LGSN: variants seen among roughly 807,000 people sequenced by gnomAD.
The protein encoded by LGSN is lengsin.
In LGSN, 21 loss-of-function variants were observed where a neutral mutation model predicts 19.5. The observed-to-expected ratio is 1.07, with a 90% CI of 0.76 to 1.55. The LOEUF is 1.55. Among genes scored for constraint, LGSN ranks in the 40% most tolerant of loss-of-function variants. The probability of loss-of-function intolerance (pLI) is 0.00; values close to 1 mark genes in which losing one functional copy is unlikely to be tolerated. For missense variants in LGSN, 673 were observed against 608.5 expected (o/e 1.11, Z -1.12); for synonymous variants, 257 against 215.6 (o/e 1.19, Z -1.68).
the LGSN span, among the ~76,000 whole-genome samples, chr6:63,365,768 C>A: frequency 2.6e-5 from 4 of 152,154 alleles, no homozygotes; most frequent in African/African-American, 9.7e-5. Context: ...CCCTGGGATG[C>A]AAGGCTGGTT....
intron 1 of LGSN, among the ~76,000 whole-genome samples, chr6:63,317,771 G>C (rs368640630): frequency 1.3e-5 from 2 of 152,172 alleles, no homozygotes; most frequent in African/African-American, 4.8e-5. Flanking sequence ...ACAGGCTGCA[G>C]AGCAGGATGA....
At chr6:63,281,969 C>T (rs775729428) in intron 3 of LGSN, among the ~76,000 whole-genome samples, 1 of 152,182 alleles carries the variant, frequency 6.6e-6, no homozygotes, top group Non-Finnish European at 1.5e-5. Flanking sequence ...CTAGCTCTTT[C>T]GTTAATTGCT....
At chr6:63,451,784 T>C in the LGSN span, among the ~76,000 whole-genome samples, 376 of 152,180 alleles carry the variant, frequency 2.5e-3, 5 homozygotes, top group Admixed American at 0.022. Context: ...AAAAGTAACA[T>C]AAAAAATGCA....
the LGSN span, among the ~76,000 whole-genome samples, chr6:63,528,950 G>A: frequency 1.3e-5 from 2 of 151,766 alleles, no homozygotes; most frequent in African/African-American, 4.8e-5. Context: ...TTAGCTGGGC[G>A]TGGTGGCACA....
At chr6:63,535,982 A>C in the LGSN span, among the ~76,000 whole-genome samples, 4 of 148,318 alleles carry the variant, frequency 2.7e-5, no homozygotes, top group Non-Finnish European at 5.9e-5. Context: ...TGTGTTGGCC[A>C]GGGTGGCCTG....
chr6:63,335,255 C>A, the LGSN span, among the ~76,000 whole-genome samples: 3 of 151,786 alleles, frequency 2.0e-5, no homozygotes, highest in Non-Finnish European at 4.4e-5. Context: ...TATCTCTCAC[C>A]ACACACAAAA....
the LGSN span, among the ~76,000 whole-genome samples, chr6:63,326,695 G>T: frequency 6.6e-6 from 1 of 152,208 alleles, no homozygotes; most frequent in Non-Finnish European, 1.5e-5. Context: ...TGCTGGCCTG[G>T]GTGCTAAGCC....
chr6:63,547,051 C>T, the LGSN span, among the ~76,000 whole-genome samples: 10 of 152,074 alleles, frequency 6.6e-5, no homozygotes, highest in South Asian at 4.1e-4. Context: ...TCACTTATTT[C>T]CCATCAAAAG....
the LGSN span, among the ~76,000 whole-genome samples, chr6:63,407,564 G>A: frequency 7.9e-5 from 12 of 152,122 alleles, no homozygotes; most frequent in Non-Finnish European, 1.5e-4. Context: ...CAAACCCACA[G>A]CCAATATCAT....
At chr6:63,359,625 G>C in the LGSN span, among the ~76,000 whole-genome samples, 1 of 152,256 alleles carries the variant, frequency 6.6e-6, no homozygotes, top group South Asian at 2.1e-4. Context: ...TTGCATAGAG[G>C]TGTTTATAGT....
intron 2 of LGSN, among the ~76,000 whole-genome samples, chr6:63,288,317 T>C (rs1767627872): frequency 1.3e-5 from 2 of 151,654 alleles, no homozygotes; most frequent in South Asian, 4.1e-4. Flanking sequence ...CATCATCACA[T>C]ACTATTCATA....
chr6:63,287,609 GA>G (rs1767593531), intron 2 of LGSN, among the ~76,000 whole-genome samples: 1 of 152,084 alleles, frequency 6.6e-6, no homozygotes. Context: ...TAAGGAGGCT[GA>G]AACACAAGAA....
the LGSN span, among the ~76,000 whole-genome samples, chr6:63,372,493 AG>A: frequency 6.6e-6 from 1 of 152,066 alleles, no homozygotes; most frequent in African/African-American, 2.4e-5. Context: ...GGGTGGTAAG[AG>A]GGGGGGAAAT....
At chr6:63,367,253 A>C in the LGSN span, among the ~76,000 whole-genome samples, 1 of 152,220 alleles carries the variant, frequency 6.6e-6, no homozygotes, top group Non-Finnish European at 1.5e-5. Context: ...AGAAAAAATC[A>C]AACAACCCCA....
At chr6:63,508,343 C>T in the LGSN span, among the ~76,000 whole-genome samples, 4 of 152,124 alleles carry the variant, frequency 2.6e-5, no homozygotes, top group Non-Finnish European at 4.4e-5. Flanking sequence ...CTTTTGATTG[C>T]CTTCCCTTTT....
At position 63,281,227 on chromosome 6, in the gene LGSN, A is replaced by C. The variant is rs372483477; in HGVS notation, c.331-7T>G. 2 of 1,468,240 alleles carry C rather than the reference A, an allele frequency of 1.4e-6. No homozygotes were observed. The highest frequency in any genetic ancestry group is 2.9e-5 in the African/African-American group (2 of 69,766). 91.0% of individuals were successfully genotyped at this position (1,468,240 alleles called of 1,614,324 possible). A position where few individuals can be genotyped will look rare whatever the true frequency, so the allele number is the denominator to read the frequency against. ...CACCATGGCTCACTTTCTCCTAAAG[A>C]AGGAAAAAAATGAAGAAATTAGGTT... On this transcript the variant is annotated splice_polypyrimidine_tract_variant and splice_region_variant and intron_variant, in intron 3 of 3. Transcript: ENST00000370657.
At chr6:63,458,228 C>T in the LGSN span, among the ~76,000 whole-genome samples, 3 of 151,968 alleles carry the variant, frequency 2.0e-5, no homozygotes, top group African/African-American at 7.2e-5. Context: ...CCCCCACGCC[C>T]GGCTAATTTT....
upstream of LGSN, among the ~76,000 whole-genome samples, chr6:63,323,773 C>T (rs946181758): frequency 2.4e-3 from 308 of 126,248 alleles, 2 homozygotes; most frequent in African/African-American, 8.4e-3. Context: ...TTTTTGCATT[C>T]TTTTTTTTTT....
intron 1 of LGSN, among the ~76,000 whole-genome samples, chr6:63,302,405 AG>A (rs890476469): frequency 3.9e-5 from 6 of 152,186 alleles, no homozygotes; most frequent in African/African-American, 1.4e-4. Flanking sequence ...TGTGTCCTCA[AG>A]GAGGTTCATG....
Sources: gnomAD v4.1 joint callset for allele counts (sites outside exome capture counted in the v4.1 genomes callset) on GRCh38, gnomAD v4.1.1 for gene constraint, MANE v1.5 for transcripts, NCBI Gene and HGNC (gene_info 2026-07-23, HGNC 2026-07-21) for gene names.